The following DRC8 variants were observed in gnomAD, a reference collection of about 807,000 sequenced individuals.
The protein encoded by DRC8 is dynein regulatory complex protein 8.
At chr1:245,002,172 C>T in the DRC8 span, 4 of 1,610,308 alleles carry the variant, frequency 2.5e-6, no homozygotes, top group African/African-American at 5.3e-5. Context: ...ACTGATCGAA[C>T]ATCTAATGGA....
chr1:245,016,979 C>T, the DRC8 span, among the ~76,000 whole-genome samples: 1 of 152,084 alleles, frequency 6.6e-6, no homozygotes, highest in Non-Finnish European at 1.5e-5. Context: ...TGAGTATATG[C>T]GTATGTAAAC....
chr1:245,048,330 T>C, the DRC8 span, among the ~76,000 whole-genome samples: 1 of 152,180 alleles, frequency 6.6e-6, no homozygotes, highest in Non-Finnish European at 1.5e-5. Context: ...GTAACTAATA[T>C]ATTTTGTTAT....
chr1:245,010,430 T>A, the DRC8 span, among the ~76,000 whole-genome samples: 3 of 152,156 alleles, frequency 2.0e-5, no homozygotes, highest in Non-Finnish European at 2.9e-5. Context: ...GACCACATGA[T>A]ATGTCACACA....
the DRC8 span, among the ~76,000 whole-genome samples, chr1:245,051,038 T>A: frequency 1.1e-4 from 16 of 152,186 alleles, no homozygotes; most frequent in Middle Eastern, 0.014. Flanking sequence ...CAATAATTTT[T>A]AAAAAATTTT....
the DRC8 span, among the ~76,000 whole-genome samples, chr1:244,990,064 T>C: frequency 1.9e-4 from 29 of 152,228 alleles, no homozygotes; most frequent in African/African-American, 6.8e-4. Context: ...ACCATGAACA[T>C]TGTCATGGCT....
At chr1:245,119,331 A>G in the DRC8 span, among the ~76,000 whole-genome samples, 25 of 118,994 alleles carry the variant, frequency 2.1e-4, no homozygotes, top group African/African-American at 7.7e-4. Context: ...AGCAATATAC[A>G]AGAAATTGGA....
the DRC8 span, among the ~76,000 whole-genome samples, chr1:244,978,183 TA>T: frequency 2.6e-5 from 4 of 152,056 alleles, no homozygotes; most frequent in Admixed American, 6.6e-5. Context: ...TTTTAGTTTT[TA>T]TTTTTATTTT....
chr1:245,098,678 C>T, the DRC8 span, among the ~76,000 whole-genome samples: 3 of 152,176 alleles, frequency 2.0e-5, no homozygotes, highest in Non-Finnish European at 4.4e-5. Context: ...TTGAAATCTA[C>T]GAATATCCCT....
the DRC8 span, among the ~76,000 whole-genome samples, chr1:244,994,591 G>A: frequency 1.3e-5 from 2 of 152,030 alleles, no homozygotes. Context: ...CACCATGCCT[G>A]GCTAATTTTT....
the DRC8 span, among the ~76,000 whole-genome samples, chr1:245,110,198 C>T: frequency 1.3e-5 from 2 of 152,126 alleles, no homozygotes; most frequent in African/African-American, 4.8e-5. Flanking sequence ...GCCTGGCCAA[C>T]ATGGTGAAAC....
the DRC8 span, among the ~76,000 whole-genome samples, chr1:245,042,927 T>C: frequency 2.0e-5 from 3 of 152,166 alleles, no homozygotes; most frequent in Non-Finnish European, 4.4e-5. Context: ...TCAAACATTT[T>C]AAGTGGTCCA....
the DRC8 span, among the ~76,000 whole-genome samples, chr1:244,984,128 TG>T: frequency 9.0e-4 from 131 of 145,630 alleles, 3 homozygotes; most frequent in Middle Eastern, 6.9e-3. Flanking sequence ...CTAATTTTTT[TG>T]GGGGGGGGGA....
the DRC8 span, among the ~76,000 whole-genome samples, chr1:245,051,672 C>T: frequency 2.0e-5 from 3 of 151,844 alleles, no homozygotes; most frequent in East Asian, 1.9e-4. Context: ...GAAAGGAAGC[C>T]GGGAAATAGA....
the DRC8 span, among the ~76,000 whole-genome samples, chr1:245,085,965 G>A: frequency 1.3e-5 from 2 of 152,234 alleles, no homozygotes; most frequent in African/African-American, 2.4e-5. Flanking sequence ...CCTCGATGGC[G>A]AGTATGATGG....
At chr1:245,093,697 CAAAAA>C in the DRC8 span, among the ~76,000 whole-genome samples, 2 of 68,456 alleles carry the variant, frequency 2.9e-5, no homozygotes, top group Admixed American at 1.7e-4. Context: ...CTCCATCTCA[CAAAAA>C]AAAAAAAAAA....
the DRC8 span, among the ~76,000 whole-genome samples, chr1:245,120,152 A>G: frequency 6.6e-6 from 1 of 152,214 alleles, no homozygotes; most frequent in African/African-American, 2.4e-5. Context: ...ATGAAGGCTC[A>G]TAGAGTAAAA....
At chr1:245,061,564 C>A in the DRC8 span, among the ~76,000 whole-genome samples, 1 of 151,958 alleles carries the variant, frequency 6.6e-6, no homozygotes, top group Non-Finnish European at 1.5e-5. Flanking sequence ...GTATAACTAC[C>A]TTTTAAGAAC....
the DRC8 span, among the ~76,000 whole-genome samples, chr1:244,985,475 C>A: frequency 6.6e-6 from 1 of 152,172 alleles, no homozygotes. Flanking sequence ...TCCTTACTTA[C>A]CGTGTTAGGC....
the DRC8 span, among the ~76,000 whole-genome samples, chr1:244,978,660 T>C: frequency 1.3e-5 from 2 of 152,060 alleles, no homozygotes. Context: ...CAACTAACAT[T>C]TTTATTTTTG....
Sources: gnomAD v4.1 joint callset for allele counts (sites outside exome capture counted in the v4.1 genomes callset) on GRCh38, gnomAD v4.1.1 for gene constraint, MANE v1.5 for transcripts, NCBI Gene and HGNC (gene_info 2026-07-23, HGNC 2026-07-21) for gene names.